Variants in STAB2 observed in about 807,000 individuals in gnomAD.
STAB2 encodes stabilin-2.
A neutral mutation model predicts 338.1 loss-of-function variants in STAB2; 288 were observed. The observed-to-expected ratio is 0.85, with a 90% CI of 0.77 to 0.94. The LOEUF (loss-of-function observed/expected upper bound fraction) is 0.94. STAB2 is among the 40% of genes least tolerant of loss of function. STAB2 has a pLI of 0.00. For missense variants in STAB2, 3,141 were observed against 3,210.1 expected, an observed-to-expected ratio of 0.98 and a Z score of 0.52; for synonymous variants, 1,202 against 1,193.3, an observed-to-expected ratio of 1.01 and a Z score of -0.15.
Position 103,703,240 on chromosome 12 carries a change from G to A in STAB2, c.3807G>A (p.Lys1269=). ...TGGGAAAAGTTCTGGAAATTCAGAAGAACAGATGTGATAATAATGACACTA... is the reference window on the plus strand; with the variant it reads ...TGGGAAAAGTTCTGGAAATTCAGAAAAACAGATGTGATAATAATGACACTA... ...HGLGKVLEIQ[K]NRCDNNDTTI... is the part of the protein sequence containing the mutation. The change falls in exon 35 of 69, where the codon AAG becomes AAA. Residue 1269 remains lysine (K), a synonymous_variant. Transcript: ENST00000388887. 6.2e-7 allele frequency: 1 copy of A among 1,613,840 alleles called. No homozygotes were observed. Among genetic ancestry groups the A allele is most frequent in the Non-Finnish European group, 8.5e-7 (1 of 1,180,026 alleles).
At chr12:103,676,244 A>C (rs962616644) in intron 24 of STAB2, among the ~76,000 whole-genome samples, 1 of 151,820 alleles carries the variant, frequency 6.6e-6, no homozygotes, top group African/African-American at 2.4e-5. Context: ...TATTTTTAGT[A>C]GACAGGGTTT....
At chr12:103,711,782 T>G (rs555930703) in intron 40 of STAB2, among the ~76,000 whole-genome samples, 2 of 152,234 alleles carry the variant, frequency 1.3e-5, no homozygotes, top group Non-Finnish European at 2.9e-5. Context: ...CCAGGACTCA[T>G]GGAGACTGAG....
Position 103,712,389 on chromosome 12 carries a change from A to G in STAB2, c.4357A>G (p.Thr1453Ala). 5 of 1,614,126 alleles carry G rather than the reference A, an allele frequency of 3.1e-6. No individual in the cohort carries two copies. Among genetic ancestry groups the G allele is most frequent in the Non-Finnish European group, 3.4e-6 (4 of 1,179,976 alleles). ...CAGCTGCCTCACCAACTCAGATGGTACAGCTTCATGCAAGTGTGCAGCAGG... is the reference window on the plus strand; with the variant it reads ...CAGCTGCCTCACCAACTCAGATGGTGCAGCTTCATGCAAGTGTGCAGCAGG... ...SANCLTNSDG[T>A]ASCKCAAGFQ... The change falls in exon 41 of 69, where the codon ACA (threonine) becomes GCA (alanine). Residue 1453 changes from threonine (T) to alanine (A), a missense_variant. Transcript: ENST00000388887.
rs770923847 is a variant in STAB2 at position 103,591,041 on chromosome 12, G to A, written c.215+11G>A. On this transcript the variant is annotated intron_variant, in intron 2 of 68. Transcript: ENST00000388887. ...GGTTCGAGATTGCAGGTACTCATGA[G>A]AAAATAAACGTGATGGAACTATGAA... 1 of 1,612,938 alleles carries A rather than the reference G, an allele frequency of 6.2e-7. No homozygotes were observed. The highest frequency in any genetic ancestry group is 8.5e-7 in the Non-Finnish European group (1 of 1,179,710).
At chr12:103,765,821 C>T (rs1884910334) in intron 68 of STAB2, among the ~76,000 whole-genome samples, 3 of 152,148 alleles carry the variant, frequency 2.0e-5, no homozygotes, top group Non-Finnish European at 4.4e-5. Context: ...GGATTACAGG[C>T]GCGAGCCACC....
intron 22 of STAB2, 77 bp downstream of exon 22, chr12:103,670,884 G>T (rs1406588075): frequency 1.0e-4 from 125 of 1,224,970 alleles, no homozygotes; most frequent in Non-Finnish European, 1.4e-4. Context: ...GCTGGTGCAG[G>T]GCTGGTGTCT....
In STAB2 at chr12:103,741,736, T is replaced by C. The variant is rs528667294; in HGVS notation, c.5882-669T>C. ...TCCCAAAGTGCTAGGATTACAGGCG[T>C]GAGCCGCCGTGCCTGGCCTGTTGAC... On this transcript the variant is annotated intron_variant, in intron 55 of 68. Coordinates refer to ENST00000388887, the MANE Select transcript of STAB2 (RefSeq NM_017564.10). Among the ~76,000 whole-genome samples the C allele has an allele frequency of 4.6e-5, 7 of 152,362 alleles. No individual in the cohort carries two copies. In the South Asian group the frequency reaches 1.4e-3, roughly 32 times the overall value.
intron 3 of STAB2, among the ~76,000 whole-genome samples, chr12:103,604,338 G>A (rs1956996420): frequency 6.6e-6 from 1 of 151,972 alleles, no homozygotes; most frequent in South Asian, 2.1e-4. Flanking sequence ...TTCTTGTTAT[G>A]TATTTGGTTT....
chr12:103,598,276 T>G (rs978587771), intron 3 of STAB2, among the ~76,000 whole-genome samples: 2 of 152,188 alleles, frequency 1.3e-5, no homozygotes, highest in African/African-American at 4.8e-5. Flanking sequence ...TAGAGTTTCT[T>G]AGGAGATAAA....
intron 28 of STAB2, among the ~76,000 whole-genome samples, chr12:103,689,229 T>C (rs1266182147): frequency 1.3e-5 from 2 of 152,168 alleles, no homozygotes; most frequent in African/African-American, 4.8e-5. Context: ...ATGCCTGTAA[T>C]CCCAGCACTT....
At position 103,643,674 on chromosome 12, in the gene STAB2, CTTCAGT is replaced by C. The variant is rs569729646; in HGVS notation, c.1040+3422_1040+3427del. ...GAGTGAGATACTTAACTTCTCTGTG[CTTCAGT>C]TTCCTTATCTAAAATGGGGCTAATA... On this transcript the variant is annotated intron_variant, in intron 9 of 68. Transcript: ENST00000388887. Among the ~76,000 whole-genome samples the C allele has an allele frequency of 2.2e-4, 33 of 152,234 alleles. 1 individual carries two copies. In the South Asian group the frequency reaches 6.8e-3, roughly 32 times the overall value.
At chr12:103,720,894 AG>A (rs1327975745) in intron 44 of STAB2, among the ~76,000 whole-genome samples, 1 of 152,200 alleles carries the variant, frequency 6.6e-6, no homozygotes, top group African/African-American at 2.4e-5. Flanking sequence ...GCTCATTGGT[AG>A]AAGGGACAAC....
intron 13 of STAB2, chr12:103,654,899 A>G (rs1874065314): frequency 3.1e-6 from 2 of 638,892 alleles, no homozygotes; most frequent in Non-Finnish European, 5.0e-6. Flanking sequence ...GTACAGTAAC[A>G]TATGTGGGAA....
In STAB2 at chr12:103,662,865, A is replaced by G. The variant is rs377155160; in HGVS notation, c.1889A>G (p.Asp630Gly). The G allele has an allele frequency of 4.5e-5, 72 of 1,614,104 alleles. No individual in the cohort carries two copies. Among genetic ancestry groups the G allele is most frequent in the Non-Finnish European group, 5.5e-5 (65 of 1,180,038 alleles). Residue 630 changes from aspartate to glycine, a missense_variant, in exon 18 of 69, where the codon GAT becomes GGT. Asp to Gly is a moderately conservative substitution (Grantham distance 94). Transcript: ENST00000388887. ...TTDNGQILAN[D>G]VAMEEIEITA... ...TTCCAGGGACAGATTCTGGCAAATGATGTGGCAATGGAAGAAATTGAGATC... is the reference window on the plus strand; with the variant it reads ...TTCCAGGGACAGATTCTGGCAAATGGTGTGGCAATGGAAGAAATTGAGATC...
At chr12:103,761,596 C>G (rs1478539556) in intron 66 of STAB2, among the ~76,000 whole-genome samples, 186 bp downstream of exon 66, 1 of 151,996 alleles carries the variant, frequency 6.6e-6, no homozygotes, top group East Asian at 1.9e-4. Flanking sequence ...ATCCCCACTC[C>G]CAAGCATTAG....
At chr12:103,692,384 A>C (rs770330920) in intron 30 of STAB2, among the ~76,000 whole-genome samples, 1 of 130,458 alleles carries the variant, frequency 7.7e-6, no homozygotes, top group Non-Finnish European at 1.8e-5. Context: ...TCAGTATACA[A>C]ATTGTGGGGG....
At position 103,745,269 on chromosome 12, in the gene STAB2, C is replaced by T; in HGVS notation, c.6128C>T (p.Thr2043Ile). 6.2e-7 allele frequency: 1 copy of T among 1,613,314 alleles called. No individual in the cohort carries two copies. The highest frequency in any genetic ancestry group is 8.5e-7 in the Non-Finnish European group (1 of 1,179,862). The change falls in exon 57 of 69, where the codon ACT (threonine) becomes ATT (isoleucine). Residue 2043 changes from threonine to isoleucine, a missense_variant. By Grantham distance (89) the Thr-to-Ile change is moderately conservative. Transcript: ENST00000388887. ...ETGWTGPSCD[T>I]QAVLPAVCTP... Reference sequence around the variant, plus strand: ...GGGTGGACAGGCCCCTCGTGTGACACTCAGGCAGGTCAGTCATGGGAGTGG... The same window carrying T: ...GGGTGGACAGGCCCCTCGTGTGACATTCAGGCAGGTCAGTCATGGGAGTGG...
intron 9 of STAB2, among the ~76,000 whole-genome samples, chr12:103,644,623 G>T (rs1565981377): frequency 6.6e-6 from 1 of 152,124 alleles, no homozygotes; most frequent in South Asian, 2.1e-4. Context: ...TCCCCAACTA[G>T]AATATAAGGT....
At chr12:103,653,710 A>AGATGGACGGATG (rs1873939469) in intron 12 of STAB2, among the ~76,000 whole-genome samples, 1 of 122,986 alleles carries the variant, frequency 8.1e-6, no homozygotes, top group African/African-American at 3.3e-5. Context: ...ATGGATGGAT[A>AGATGGACGGATG]GATGGATGGA....
Sources: allele counts gnomAD v4.1 joint callset (sites outside exome capture counted in the v4.1 genomes callset), GRCh38; gene constraint gnomAD v4.1.1; transcripts MANE v1.5; gene names NCBI Gene and HGNC (gene_info 2026-07-23, HGNC 2026-07-21).